The following PTPN11 variants were observed in gnomAD, a reference collection of about 807,000 sequenced individuals.
PTPN11 encodes protein tyrosine phosphatase non-receptor type 11, also known as tyrosine-protein phosphatase non-receptor type 11.
PTPN11 carries 6 observed loss-of-function variants against 78.8 expected under a neutral mutation model. The observed-to-expected ratio is 0.08, with a 90% CI of 0.04 to 0.15. PTPN11 has a LOEUF of 0.15. PTPN11 is among the 10% of genes least tolerant of loss of function. The pLI is 1.00. For synonymous variants in PTPN11, 221 were observed against 263.5 expected (o/e 0.84, Z 1.56); for missense variants, 386 against 744.8 (o/e 0.52, Z 5.61).
intron 1 of PTPN11, among the ~76,000 whole-genome samples, chr12:112,424,457 C>G (rs997119903): frequency 5.3e-5 from 8 of 152,052 alleles, no homozygotes; most frequent in Non-Finnish European, 1.2e-4. Context: ...AAAAATATTT[C>G]TCTGGCTGCT....
Position 112,489,168 on chromosome 12 carries a change from A to C in PTPN11, c.1592A>C (p.Glu531Ala). The stretch of plus-strand genomic sequence containing the variant: ...GAAACACTACAGCGCAGGATTGAAG[A>C]AGAGCAGGTACCAGCCTGAGGGCTG... ...YIETLQRRIEEEQKSKRKGHE... is the reference protein window; with the variant it reads ...YIETLQRRIEAEQKSKRKGHE... The change falls in exon 13 of 16, where the codon GAA (glutamate) becomes GCA (alanine). Residue 531 changes from glutamate (E) to alanine (A), a missense_variant. Coordinates refer to ENST00000351677, the MANE Select transcript of PTPN11 (RefSeq NM_002834.5). 6.2e-7 allele frequency: 1 copy of C among 1,614,162 alleles called. No homozygotes were observed. Among genetic ancestry groups the C allele is most frequent in the Non-Finnish European group, 8.5e-7 (1 of 1,180,014 alleles).
intron 11 of PTPN11, among the ~76,000 whole-genome samples, chr12:112,487,180 G>C (rs2038691472): frequency 6.6e-6 from 1 of 150,394 alleles, no homozygotes; most frequent in African/African-American, 2.5e-5. Context: ...TGTTGCCCAG[G>C]CTAGAGTGCA....
At chr12:112,483,655 AG>A (rs2038631263) in intron 10 of PTPN11, among the ~76,000 whole-genome samples, 1 of 152,136 alleles carries the variant, frequency 6.6e-6, no homozygotes, top group South Asian at 2.1e-4. Context: ...GAGTTGTTCT[AG>A]GGATTAGGAC....
At chr12:112,455,567 A>G (rs963400664) in intron 5 of PTPN11, among the ~76,000 whole-genome samples, 11 of 152,150 alleles carry the variant, frequency 7.2e-5, no homozygotes, top group African/African-American at 2.4e-4. Context: ...GCAAGTTTTC[A>G]TTATAGATCC....
chr12:112,491,510 T>TA (rs1429140048), intron 13 of PTPN11, among the ~76,000 whole-genome samples: 1 of 152,224 alleles, frequency 6.6e-6, no homozygotes, highest in Non-Finnish European at 1.5e-5. Flanking sequence ...CTACACATTC[T>TA]AAAATGTGTA....
intron 13 of PTPN11, among the ~76,000 whole-genome samples, chr12:112,493,217 C>G (rs2038774733): frequency 6.6e-6 from 1 of 151,976 alleles, no homozygotes; most frequent in South Asian, 2.1e-4. Context: ...CACCATCACA[C>G]CCGGCTAATT....
At chr12:112,503,646 G>T (rs1418021286) in intron 14 of PTPN11, among the ~76,000 whole-genome samples, 1 of 152,178 alleles carries the variant, frequency 6.6e-6, no homozygotes, top group Non-Finnish European at 1.5e-5. Context: ...GAATGCCAGG[G>T]TTCTGAGTCC....
intron 1 of PTPN11, among the ~76,000 whole-genome samples, chr12:112,426,560 A>T (rs894838044): frequency 6.6e-6 from 1 of 151,802 alleles, no homozygotes; most frequent in African/African-American, 2.4e-5. Context: ...GCCGGCCAAA[A>T]CTTTGTTTTT....
intron 1 of PTPN11, among the ~76,000 whole-genome samples, chr12:112,440,216 TAATA>T (rs1328419770): frequency 1.3e-5 from 2 of 152,198 alleles, no homozygotes; most frequent in Non-Finnish European, 2.9e-5. Context: ...GATGCTAGAA[TAATA>T]GGTATCACAT....
At chr12:112,477,630 C>A (rs41279090) in intron 7 of PTPN11, 21 bp from the exon 8 acceptor site, 1 of 1,584,806 alleles carries the variant, frequency 6.3e-7, no homozygotes, top group Non-Finnish European at 8.7e-7. Context: ...CTTATGTGAC[C>A]GTGGTCTCTT....
At chr12:112,442,830 T>TATATATATATATA (rs2037917251) in intron 1 of PTPN11, among the ~76,000 whole-genome samples, 1 of 43,532 alleles carries the variant, frequency 2.3e-5, no homozygotes, top group African/African-American at 7.2e-5. Flanking sequence ...CTCTCTCTTT[T>TATATATATATATA]TATATATATA....
chr12:112,485,404 TATTA>T (rs1349314776), intron 10 of PTPN11, among the ~76,000 whole-genome samples: 2 of 152,206 alleles, frequency 1.3e-5, no homozygotes, highest in Non-Finnish European at 2.9e-5. Flanking sequence ...TGTTGATCTT[TATTA>T]ATTATCATTA....
At position 112,504,236 on chromosome 12, in the gene PTPN11, C is replaced by T. The variant is rs1323397527; in HGVS notation, c.1713-459C>T. ...TTTGAGATGGAGTCTCGCTCTGTCG[C>T]CCAGGCTGGAGTGCAGTGGCACGAT... On this transcript the variant is annotated intron_variant, in intron 14 of 15. Coordinates refer to ENST00000351677, the MANE Select transcript of PTPN11 (RefSeq NM_002834.5). The surrounding 1 kb of genome is among the most constrained non-coding windows in gnomAD (Gnocchi z 4.7). Among the ~76,000 whole-genome samples, 1 of 152,182 alleles carries T rather than the reference C, an allele frequency of 6.6e-6. No homozygotes were observed. Among genetic ancestry groups the T allele is most frequent in the Non-Finnish European group, 1.5e-5 (1 of 68,032 alleles).
intron 6 of PTPN11, among the ~76,000 whole-genome samples, chr12:112,460,772 G>A (rs763452916): frequency 1.3e-5 from 2 of 152,166 alleles, no homozygotes; most frequent in African/African-American, 2.4e-5. Flanking sequence ...AACCCAGAAG[G>A]TGGCAGTTGC....
chr12:112,504,314 G>A lies in PTPN11; in HGVS notation c.1713-381G>A, dbSNP rs1383600964. Among the ~76,000 whole-genome samples, 1 of 152,168 alleles carries A rather than the reference G, an allele frequency of 6.6e-6. No homozygotes were observed. Among genetic ancestry groups the A allele is most frequent in the Non-Finnish European group, 1.5e-5 (1 of 68,046 alleles). ...GAGTTCAAGAGATTCTTCTGCCTCAGCCTCTCAAGCAGCTGGGACTACAGG... is the reference window on the plus strand; with the variant it reads ...GAGTTCAAGAGATTCTTCTGCCTCAACCTCTCAAGCAGCTGGGACTACAGG... On this transcript the variant is annotated intron_variant, in intron 14 of 15. Coordinates refer to ENST00000351677, the MANE Select transcript of PTPN11 (RefSeq NM_002834.5). This position sits in a 1 kb window ranked among gnomAD's most constrained non-coding sequence, Gnocchi z 4.7.
chr12:112,472,041 T>C (rs2038426451), intron 6 of PTPN11, among the ~76,000 whole-genome samples: 1 of 152,224 alleles, frequency 6.6e-6, no homozygotes, highest in Admixed American at 6.5e-5. Context: ...TGTTTTGTCA[T>C]GTTGGCCAGG....
chr12:112,465,727 T>C (rs1003859387), intron 6 of PTPN11, among the ~76,000 whole-genome samples: 1 of 152,202 alleles, frequency 6.6e-6, no homozygotes, highest in Non-Finnish European at 1.5e-5. Flanking sequence ...CTTTCAGATA[T>C]TGAAACTAGC....
rs532933919 is a variant in PTPN11 at position 112,460,570 on chromosome 12, G to C, written c.756+4507G>C. ...TGTTGTAAAAATCTTAAGTCTGGGC[G>C]TGGTGGCACACGGCTGTCATTCCAG... On this transcript the variant is annotated intron_variant, in intron 6 of 15. Transcript: ENST00000351677. Among the ~76,000 whole-genome samples, 434 of 152,204 alleles carry C rather than the reference G, an allele frequency of 2.9e-3. 5 individuals are homozygous for C. The highest frequency in any genetic ancestry group is 9.7e-3 in the African/African-American group (404 of 41,540).
At chr12:112,421,461 A>C (rs961099991) in intron 1 of PTPN11, among the ~76,000 whole-genome samples, 8 of 152,102 alleles carry the variant, frequency 5.3e-5, no homozygotes, top group African/African-American at 1.9e-4. Context: ...TGCATTTCCT[A>C]GAATTTTATT....
Sources: allele counts gnomAD v4.1 joint callset (sites outside exome capture counted in the v4.1 genomes callset), GRCh38; gene constraint gnomAD v4.1.1; non-coding constraint Gnocchi (gnomAD v3.1); transcripts MANE v1.5; gene names NCBI Gene and HGNC (gene_info 2026-07-23, HGNC 2026-07-21).